The following LRMDA variants were observed in gnomAD, a reference collection of about 807,000 sequenced individuals.
LRMDA encodes the protein leucine rich melanocyte differentiation associated.
Under a neutral mutation model 29.8 loss-of-function variants are expected in LRMDA, and 18 were observed. The observed-to-expected ratio is 0.60, with a 90% CI of 0.42 to 0.90. LRMDA has a LOEUF of 0.90. Ranked by LOEUF, LRMDA falls within the 40% of genes least tolerant of loss-of-function variation. The pLI is 0.00. For missense variants in LRMDA, 273 were observed against 273.9 expected (o/e 1.00, Z 0.02); for synonymous variants, 125 against 109.4 (o/e 1.14, Z -0.89).
intron 6 of LRMDA, among the ~76,000 whole-genome samples, chr10:76,401,207 G>T (rs1241688587): frequency 6.6e-6 from 1 of 151,824 alleles, no homozygotes; most frequent in Non-Finnish European, 1.5e-5. Context: ...CTCAATGGAT[G>T]GTATGCTCCA....
intron 5 of LRMDA, among the ~76,000 whole-genome samples, chr10:76,157,139 C>G (rs745521536): frequency 1.9e-4 from 29 of 152,256 alleles, no homozygotes; most frequent in Non-Finnish European, 3.5e-4. Flanking sequence ...GTCCTAAATA[C>G]AGAGTTGGGA....
At chr10:76,342,554 A>C (rs1325769870) in intron 6 of LRMDA, among the ~76,000 whole-genome samples, 1 of 152,024 alleles carries the variant, frequency 6.6e-6, no homozygotes, top group African/African-American at 2.4e-5. Context: ...ATAAGATAGA[A>C]TACAAAAAGT....
chr10:76,107,417 T>C (rs1463102741), intron 5 of LRMDA, among the ~76,000 whole-genome samples: 1 of 152,210 alleles, frequency 6.6e-6, no homozygotes, highest in Admixed American at 6.5e-5. Flanking sequence ...TGTTCTTGTG[T>C]TCTCTCCTAC....
chr10:76,001,712 T>C (rs1847566241), intron 2 of LRMDA, among the ~76,000 whole-genome samples: 1 of 152,216 alleles, frequency 6.6e-6, no homozygotes, highest in South Asian at 2.1e-4. Context: ...GAGCCATTTA[T>C]TTTCAGATAT....
chr10:75,825,889 T>C (rs1342644395), intron 2 of LRMDA, among the ~76,000 whole-genome samples: 1 of 152,104 alleles, frequency 6.6e-6, no homozygotes, highest in African/African-American at 2.4e-5. Context: ...CAAACTATAG[T>C]GGAAGTCAAA....
intron 3 of LRMDA, among the ~76,000 whole-genome samples, chr10:76,043,952 A>G (rs75237734): frequency 8.5e-4 from 129 of 152,356 alleles, no homozygotes; most frequent in African/African-American, 3.1e-3. Context: ...TCTGCAGTAG[A>G]GAGGGCTTCC....
At chr10:75,692,999 C>G (rs950394439) in intron 2 of LRMDA, among the ~76,000 whole-genome samples, 1 of 152,136 alleles carries the variant, frequency 6.6e-6, no homozygotes, top group East Asian at 1.9e-4. Context: ...TTGTATTCAT[C>G]CTGCCCTGTT....
At chr10:75,495,382 C>T (rs1845032511) in intron 2 of LRMDA, among the ~76,000 whole-genome samples, 1 of 151,512 alleles carries the variant, frequency 6.6e-6, no homozygotes, top group Non-Finnish European at 1.5e-5. Flanking sequence ...TTGTTTTAAC[C>T]TGCTTTTATC....
At chr10:76,447,668 C>T (rs1842366581) in intron 6 of LRMDA, among the ~76,000 whole-genome samples, 1 of 152,136 alleles carries the variant, frequency 6.6e-6, no homozygotes, top group Non-Finnish European at 1.5e-5. Flanking sequence ...TCTGTTCATT[C>T]CTGTCTCACA....
intron 2 of LRMDA, among the ~76,000 whole-genome samples, chr10:75,752,208 CTTT>C (rs780364065): frequency 8.9e-4 from 101 of 113,128 alleles, no homozygotes; most frequent in African/African-American, 3.1e-3. Context: ...TAACGTGTCT[CTTT>C]TTTTTTTTTT....
intron 2 of LRMDA, among the ~76,000 whole-genome samples, chr10:75,749,907 G>GT (rs1435069834): frequency 1.3e-5 from 2 of 152,226 alleles, no homozygotes; most frequent in Non-Finnish European, 2.9e-5. Context: ...TTAACCCTGA[G>GT]TGGACACACC....
intron 6 of LRMDA, among the ~76,000 whole-genome samples, chr10:76,351,919 G>A (rs12244635): frequency 0.015 from 2,299 of 152,048 alleles, 37 homozygotes; most frequent in African/African-American, 0.041. Flanking sequence ...GTACCTCTAG[G>A]GGACAGAGTA....
chr10:75,578,232 A>AAAAAAAAAAAAAAAC, intron 2 of LRMDA, among the ~76,000 whole-genome samples: 1 of 146,380 alleles, frequency 6.8e-6, no homozygotes, highest in African/African-American at 2.5e-5. Context: ...AAAAAAAAAA[A>AAAAAAAAAAAAAAAC]AAAAAAAGCA....
At chr10:76,170,620 C>T (rs1314155740) in intron 5 of LRMDA, among the ~76,000 whole-genome samples, 1 of 152,144 alleles carries the variant, frequency 6.6e-6, no homozygotes, top group Non-Finnish European at 1.5e-5. Context: ...AAACTCTTCC[C>T]TTCAAAAGCA....
At chr10:76,144,392 T>C (rs1389793901) in intron 5 of LRMDA, among the ~76,000 whole-genome samples, 1 of 152,168 alleles carries the variant, frequency 6.6e-6, no homozygotes, top group Non-Finnish European at 1.5e-5. Context: ...TAGTTCTCCT[T>C]GAAGAGGTCC....
chr10:76,331,723 C>T (rs1338705711), intron 6 of LRMDA, among the ~76,000 whole-genome samples: 1 of 152,086 alleles, frequency 6.6e-6, no homozygotes, highest in Non-Finnish European at 1.5e-5. Context: ...CTATTATTAG[C>T]ATTTGCTAAT....
Position 76,160,416 on chromosome 10 carries a change from G to A in LRMDA, c.516+101633G>A, listed in dbSNP as rs144346679. On this transcript the variant is annotated intron_variant, in intron 5 of 6. Transcript: ENST00000611255. Reference sequence around the variant, plus strand: ...TAACAGTAATTATAAGCTTTTTTAGGTATGACAATTGTGGTTATATTTAAA... The same window carrying A: ...TAACAGTAATTATAAGCTTTTTTAGATATGACAATTGTGGTTATATTTAAA... Among the ~76,000 whole-genome samples, 31 of 151,964 alleles carry A rather than the reference G, an allele frequency of 2.0e-4. 1 individual carries two copies. In the East Asian group the frequency reaches 6.0e-3, roughly 29 times the overall value.
At chr10:75,523,734 A>T (rs1845386377) in intron 2 of LRMDA, among the ~76,000 whole-genome samples, 1 of 152,208 alleles carries the variant, frequency 6.6e-6, no homozygotes, top group African/African-American at 2.4e-5. Flanking sequence ...ATACCTGGGC[A>T]TCGAAGTTCA....
At chr10:75,946,683 T>C (rs886705008) in intron 2 of LRMDA, among the ~76,000 whole-genome samples, 2 of 152,188 alleles carry the variant, frequency 1.3e-5, no homozygotes, top group African/African-American at 4.8e-5. Flanking sequence ...ATTCCAGATC[T>C]GGTCCTTTCC....
Sources: allele counts gnomAD v4.1 joint callset (sites outside exome capture counted in the v4.1 genomes callset), GRCh38; gene constraint gnomAD v4.1.1; transcripts MANE v1.5; gene names NCBI Gene and HGNC (gene_info 2026-07-23, HGNC 2026-07-21).